Variants in ADGRL2 observed in about 807,000 individuals in gnomAD.
The protein encoded by ADGRL2 is calcium-independent alpha-latrotoxin receptor 2.
ADGRL2 carries 44 observed loss-of-function variants against 157.4 expected under a neutral mutation model. The observed-to-expected ratio is 0.28, with a 90% confidence interval of 0.22 to 0.36. The LOEUF (loss-of-function observed/expected upper bound fraction) is 0.36. ADGRL2 is among the 10% of genes least tolerant of loss of function. The pLI, the probability that ADGRL2 is intolerant of heterozygous loss-of-function variation, is 1.00. For synonymous variants in ADGRL2, 585 were observed against 624.7 expected, an observed-to-expected ratio of 0.94 and a Z score of 0.95; for missense variants, 1,510 against 1,768.9, an observed-to-expected ratio of 0.85 and a Z score of 2.63.
chr1:81,343,279 G>A (rs1185666591), intron 1 of ADGRL2, among the ~76,000 whole-genome samples: 2 of 151,366 alleles, frequency 1.3e-5, no homozygotes, highest in Non-Finnish European at 2.9e-5. Context: ...TAGTAGGGAC[G>A]GGGTTTTACC....
chr1:81,960,599 C>T (rs527523031), intron 11 of ADGRL2, among the ~76,000 whole-genome samples: 83 of 152,020 alleles, frequency 5.5e-4, no homozygotes, highest in African/African-American at 1.7e-3. Flanking sequence ...CTCGGCCTCC[C>T]GAGTAGCTGG....
chr1:81,923,201 T>G (rs1480358251), intron 3 of ADGRL2, among the ~76,000 whole-genome samples: 1 of 152,216 alleles, frequency 6.6e-6, no homozygotes, highest in Non-Finnish European at 1.5e-5. Context: ...TGTAATGCCT[T>G]ATTATATACA....
upstream of ADGRL2, among the ~76,000 whole-genome samples, chr1:81,698,680 C>T (rs1214564435): frequency 6.6e-6 from 1 of 152,170 alleles, no homozygotes; most frequent in Non-Finnish European, 1.5e-5. Flanking sequence ...GAGTACAGTA[C>T]ATTGACAAAA....
At chr1:81,815,202 T>A (rs956012604) in intron 1 of ADGRL2, among the ~76,000 whole-genome samples, 1 of 151,808 alleles carries the variant, frequency 6.6e-6, no homozygotes, top group Non-Finnish European at 1.5e-5. Flanking sequence ...TAAATCAGAT[T>A]GTTGGTTTAA....
At chr1:81,821,021 C>T (rs1270581188) in intron 1 of ADGRL2, among the ~76,000 whole-genome samples, 2 of 152,004 alleles carry the variant, frequency 1.3e-5, no homozygotes, top group East Asian at 1.9e-4. Flanking sequence ...TGGCTTGCTG[C>T]TTTTTTATGA....
chr1:81,581,622 T>C (rs903917548), intron 3 of ADGRL2, among the ~76,000 whole-genome samples: 2 of 152,194 alleles, frequency 1.3e-5, no homozygotes, highest in African/African-American at 4.8e-5. Context: ...TATACTCATT[T>C]CATCTTTACA....
At chr1:81,348,263 A>G (rs2100813815) in intron 1 of ADGRL2, among the ~76,000 whole-genome samples, 1 of 152,280 alleles carries the variant, frequency 6.6e-6, no homozygotes, top group South Asian at 2.1e-4. Context: ...CACCTCCCCA[A>G]CAGACACACA....
chr1:81,562,880 TATA>T (rs1279711283), intron 2 of ADGRL2, among the ~76,000 whole-genome samples: 3 of 152,172 alleles, frequency 2.0e-5, no homozygotes, highest in East Asian at 3.8e-4. Context: ...TTATTATTTC[TATA>T]ATATTTCATA....
chr1:81,809,269 G>A (rs2149620421), intron 1 of ADGRL2, among the ~76,000 whole-genome samples: 1 of 152,024 alleles, frequency 6.6e-6, no homozygotes, highest in Non-Finnish European at 1.5e-5. Flanking sequence ...GACTTTTTTT[G>A]CGGTAGATTT....
At chr1:81,630,576 G>A (rs2081992957) in intron 3 of ADGRL2, among the ~76,000 whole-genome samples, 1 of 152,066 alleles carries the variant, frequency 6.6e-6, no homozygotes, top group African/African-American at 2.4e-5. Context: ...TGACCTTCGA[G>A]TTTCTTTTAT....
At chr1:81,967,686 G>A (rs535564452) in intron 13 of ADGRL2, among the ~76,000 whole-genome samples, 1 of 152,248 alleles carries the variant, frequency 6.6e-6, no homozygotes, top group South Asian at 2.1e-4. Context: ...CATTTGGTCC[G>A]TATAGAATTT....
chr1:81,408,017 T>A, intron 1 of ADGRL2, among the ~76,000 whole-genome samples: 1 of 152,084 alleles, frequency 6.6e-6, no homozygotes, highest in East Asian at 1.9e-4. Flanking sequence ...TTATAGACAA[T>A]GAGGTTGTTA....
At chr1:81,662,707 A>T (rs2082677570) in intron 3 of ADGRL2, among the ~76,000 whole-genome samples, 1 of 150,992 alleles carries the variant, frequency 6.6e-6, no homozygotes, top group South Asian at 2.1e-4. Flanking sequence ...GGTGCCCACC[A>T]CAGTGCCCGG....
At chr1:81,622,357 C>T (rs541384091) in intron 3 of ADGRL2, among the ~76,000 whole-genome samples, 5 of 151,116 alleles carry the variant, frequency 3.3e-5, no homozygotes, top group East Asian at 4.0e-4. Context: ...CCGAGGCTGG[C>T]GGATCACAAG....
In ADGRL2 at chr1:81,514,974, G is replaced by T. The variant is rs943836570; in HGVS notation, c.-247-65902G>T. ...ACAAGGACACATATTTTCTCTTCTG[G>T]TATTCCTCCGTGATTTAAATATTAA... On this transcript the variant is annotated intron_variant, in intron 2 of 24. Coordinates refer to the ADGRL2 transcript ENST00000370721. The T allele has an allele frequency of 2.6e-5, 4 of 152,144 alleles. No homozygotes were observed. The East Asian group carries it at 7.7e-4, about 29-fold the overall frequency. The allele number at this position is 152,144 out of a possible 1,614,324, so 9.4% of individuals were successfully genotyped here.
intron 3 of ADGRL2, among the ~76,000 whole-genome samples, chr1:81,656,586 G>T (rs139097584): frequency 6.6e-6 from 1 of 152,114 alleles, no homozygotes; most frequent in African/African-American, 2.4e-5. Context: ...AGTTGGCTAA[G>T]GTAATTTTCA....
intron 3 of ADGRL2, among the ~76,000 whole-genome samples, chr1:81,931,754 C>T (rs1314452672): frequency 6.6e-6 from 1 of 151,994 alleles, no homozygotes; most frequent in East Asian, 1.9e-4. Flanking sequence ...CTCAGTCTCC[C>T]CCAAGTAGCT....
At chr1:81,829,118 G>A (rs993816892) in intron 1 of ADGRL2, among the ~76,000 whole-genome samples, 14 of 151,962 alleles carry the variant, frequency 9.2e-5, no homozygotes, top group African/African-American at 2.9e-4. Context: ...CACCGCATTG[G>A]CCAAGCTGGT....
intron 3 of ADGRL2, among the ~76,000 whole-genome samples, chr1:81,928,249 G>A (rs1481213766): frequency 6.6e-6 from 1 of 152,024 alleles, no homozygotes; most frequent in African/African-American, 2.4e-5. Context: ...TTTTAAATAG[G>A]TAATCTATTT....
Sources: allele counts gnomAD v4.1 joint callset (sites outside exome capture counted in the v4.1 genomes callset), GRCh38; gene constraint gnomAD v4.1.1; transcripts MANE v1.5; gene names NCBI Gene and HGNC (gene_info 2026-07-23, HGNC 2026-07-21).